Variants in IL21R observed in about 807,000 individuals in gnomAD.
The protein encoded by IL21R is interleukin 21 receptor, also known as interleukin-21 receptor.
A neutral mutation model predicts 41.3 loss-of-function variants in IL21R; 14 were observed. The observed-to-expected ratio is 0.34, with a 90% CI of 0.22 to 0.53. The LOEUF (loss-of-function observed/expected upper bound fraction) is 0.53. Among genes scored for constraint, IL21R ranks in the 20% least tolerant of loss-of-function variants. The pLI is 0.94. For synonymous variants in IL21R, 286 were observed against 287.6 expected (o/e 0.99, Z 0.05); for missense variants, 588 against 681.6 (o/e 0.86, Z 1.53).
chr16:27,430,911 A>C (rs1283712239), intron 2 of IL21R, among the ~76,000 whole-genome samples: 2 of 152,206 alleles, frequency 1.3e-5, no homozygotes, highest in African/African-American at 4.8e-5. Context: ...AGGAAGAGCC[A>C]AAAGGAGACT....
At chr16:27,429,319 C>CT (rs1323255722) in intron 1 of IL21R, among the ~76,000 whole-genome samples, 1 of 152,166 alleles carries the variant, frequency 6.6e-6, no homozygotes, top group African/African-American at 2.4e-5. Context: ...GCAGATCCCC[C>CT]TTTCCAAACT....
At chr16:27,444,382 A>G (rs1173110151) in intron 5 of IL21R, among the ~76,000 whole-genome samples, 160 bp from the exon 6 acceptor site, 1 of 152,038 alleles carries the variant, frequency 6.6e-6, no homozygotes, top group Non-Finnish European at 1.5e-5. Context: ...TGTGCTCCCC[A>G]TGCCTGAGTC....
chr16:27,431,896 G>A (rs2087178862), intron 2 of IL21R, among the ~76,000 whole-genome samples: 1 of 152,022 alleles, frequency 6.6e-6, no homozygotes, highest in Non-Finnish European at 1.5e-5. Context: ...CACCCGCCTC[G>A]GCCTCCCAAA....
intron 1 of IL21R, chr16:27,427,326 C>G: frequency 1.0e-6 from 1 of 985,486 alleles, no homozygotes; most frequent in Non-Finnish European, 1.2e-6. Context: ...GCAGGTACCC[C>G]CTCCACATCC....
chr16:27,434,651 G>T (rs370394052), intron 3 of IL21R, among the ~76,000 whole-genome samples: 57 of 152,142 alleles, frequency 3.7e-4, no homozygotes, highest in African/African-American at 1.4e-3. Context: ...ACCCACACAG[G>T]TCGGCCATGG....
At chr16:27,430,264 C>T (rs977818209) in intron 2 of IL21R, 144 bp downstream of exon 2, 9 of 659,730 alleles carry the variant, frequency 1.4e-5, no homozygotes, top group South Asian at 3.7e-5. Flanking sequence ...GAGGCTGACA[C>T]GAGTCCAGTA....
chr16:27,441,044 C>A (rs2087378853), intron 4 of IL21R, among the ~76,000 whole-genome samples: 1 of 69,156 alleles, frequency 1.4e-5, no homozygotes. Context: ...GAGATTCTGT[C>A]TCAAAAAAAA....
chr16:27,416,681 T>C (rs2086896995), intron 1 of IL21R, among the ~76,000 whole-genome samples: 1 of 152,234 alleles, frequency 6.6e-6, no homozygotes, highest in South Asian at 2.1e-4. Context: ...TCTTAAGATG[T>C]GCAATTCAAC....
chr16:27,440,315 C>T (rs528128252), intron 4 of IL21R, among the ~76,000 whole-genome samples: 12 of 148,340 alleles, frequency 8.1e-5, no homozygotes, highest in South Asian at 2.1e-4. Flanking sequence ...GCTTTGTCCT[C>T]CAGCCTGGGG....
chr16:27,417,163 C>CTT (rs577149386), intron 1 of IL21R, among the ~76,000 whole-genome samples: 17,410 of 126,530 alleles, frequency 0.14, 1,507 homozygotes, highest in East Asian at 0.19. Flanking sequence ...TTTTTCTTTT[C>CTT]TTTTTTTTTT....
chr16:27,428,379 A>G (rs545689495), intron 1 of IL21R, among the ~76,000 whole-genome samples: 1 of 152,356 alleles, frequency 6.6e-6, no homozygotes, highest in Non-Finnish European at 1.5e-5. Flanking sequence ...GGGCCAGAGT[A>G]GGATCTTTGG....
intron 7 of IL21R, 39 bp downstream of exon 7, chr16:27,445,315 C>A: frequency 7.5e-7 from 1 of 1,332,214 alleles, no homozygotes; most frequent in Non-Finnish European, 1.1e-6. Context: ...AGGTGGTCAG[C>A]CTGGGCCACT....
rs1291569317 is a variant in IL21R at position 27,450,665 on chromosome 16, A to G, written c.*1382A>G. ...AGTGGTGCGATCTCGGCTCTCTGCA[A>G]CCTCTGTCTCCCGGGTTCAAGCGAT... On this transcript the variant is annotated 3_prime_UTR_variant, in exon 9 of 9. Transcript: ENST00000337929. 9.1e-6 allele frequency: 2 copies of G among 220,552 alleles called. No individual in the cohort carries two copies. Among genetic ancestry groups the G allele is most frequent in the East Asian group, 1.3e-4 (2 of 15,200 alleles). The allele number at this position is 220,552 out of a possible 1,614,324, so 13.7% of individuals were successfully genotyped here.
intron 1 of IL21R, among the ~76,000 whole-genome samples, chr16:27,411,380 T>C (rs568547512): frequency 6.6e-6 from 1 of 152,046 alleles, no homozygotes; most frequent in East Asian, 1.9e-4. Flanking sequence ...ATTAGTGATA[T>C]TGAGCATCTT....
At chr16:27,416,875 T>G (rs1418052293) in intron 1 of IL21R, among the ~76,000 whole-genome samples, 1 of 152,224 alleles carries the variant, frequency 6.6e-6, no homozygotes, top group African/African-American at 2.4e-5. Flanking sequence ...TCATACAATA[T>G]GAGGCCTTTT....
At position 27,448,572 on chromosome 16, in the gene IL21R, G is replaced by C. The variant is rs2087526493; in HGVS notation, c.906G>C (p.Glu302Asp). The C allele has an allele frequency of 6.2e-7, 1 of 1,611,642 alleles. No individual in the cohort carries two copies. The highest frequency in any genetic ancestry group is 1.3e-5 in the African/African-American group (1 of 74,902). The change falls in exon 9 of 9, where the codon GAG (glutamate) becomes GAC (aspartate). Residue 302 changes from glutamate (E) to aspartate (D), a missense_variant. Coordinates refer to ENST00000337929, the MANE Select transcript of IL21R (RefSeq NM_181078.3). ...VGAPFTGSSL[E>D]LGPWSPEVPS... ...CACCCTTCACTGGCTCCAGCCTGGA[G>C]CTGGGACCCTGGAGCCCAGAGGTGC...
chr16:27,423,601 G>C (rs117971316), intron 1 of IL21R, among the ~76,000 whole-genome samples: 54 of 152,222 alleles, frequency 3.5e-4, no homozygotes, highest in Non-Finnish European at 6.0e-4. Context: ...TTTCAGTGTG[G>C]TGTCAATGGT....
At chr16:27,443,206 A>T (rs900744330) in intron 5 of IL21R, 90 bp downstream of exon 5, 6 of 1,211,528 alleles carry the variant, frequency 5.0e-6, no homozygotes, top group Non-Finnish European at 6.8e-6. Context: ...ACGGGTGAAC[A>T]ACATCATTCA....
chr16:27,438,954 G>GTA (rs1162904503), intron 4 of IL21R, among the ~76,000 whole-genome samples: 1 of 150,996 alleles, frequency 6.6e-6, no homozygotes, highest in Non-Finnish European at 1.5e-5. Flanking sequence ...GTGTGTGTGT[G>GTA]TATGTGTGTA....
Sources: allele counts gnomAD v4.1 joint callset (sites outside exome capture counted in the v4.1 genomes callset), GRCh38; gene constraint gnomAD v4.1.1; transcripts MANE v1.5; gene names NCBI Gene and HGNC (gene_info 2026-07-23, HGNC 2026-07-21).